The following RRM1 variants were observed in gnomAD, a reference collection of about 807,000 sequenced individuals.
RRM1 encodes ribonucleotide reductase catalytic subunit M1.
Under a neutral mutation model 101.5 loss-of-function variants are expected in RRM1, and 19 were observed. That is an observed-to-expected ratio of 0.19 (90% CI 0.13 to 0.27). RRM1 has a LOEUF of 0.27. Among genes scored for constraint, RRM1 ranks in the 10% least tolerant of loss-of-function variants. The pLI is 1.00. For missense variants in RRM1, 500 were observed against 962.9 expected (o/e 0.52, Z 6.36); for synonymous variants, 298 against 323.4 (o/e 0.92, Z 0.84).
chr11:4,101,846 A>G, intron 1 of RRM1, 147 bp from the exon 2 acceptor site: 5 of 600,136 alleles, frequency 8.3e-6, no homozygotes, highest in Non-Finnish European at 1.5e-5. Context: ...CTCTTCATGA[A>G]TCTTTTGAGG....
intron 7 of RRM1, among the ~76,000 whole-genome samples, chr11:4,117,726 A>C (rs2094575665): frequency 6.6e-6 from 1 of 152,244 alleles, no homozygotes; most frequent in African/African-American, 2.4e-5. Context: ...GAATATTTAT[A>C]TAAACACCTA....
At chr11:4,133,074 A>AG (rs2094603124) in intron 16 of RRM1, among the ~76,000 whole-genome samples, 1 of 152,164 alleles carries the variant, frequency 6.6e-6, no homozygotes, top group African/African-American at 2.4e-5. Context: ...AGCTTTATTA[A>AG]GGTATAATTG....
chr11:4,116,078 A>G (rs2094572812), intron 7 of RRM1: 3 of 152,210 alleles, frequency 2.0e-5, no homozygotes. Context: ...GGGGAGGGCC[A>G]GGGAAGTCTC....
intron 2 of RRM1, among the ~76,000 whole-genome samples, chr11:4,104,968 A>G (rs879110782): frequency 6.6e-6 from 1 of 152,168 alleles, no homozygotes; most frequent in Admixed American, 6.5e-5. Flanking sequence ...ATCTGAATGA[A>G]AAATGGGGAA....
chr11:4,138,428 C>T lies in RRM1; in HGVS notation c.*45C>T, dbSNP rs768453219. The T allele has an allele frequency of 5.3e-6, 8 of 1,495,700 alleles. No individual in the cohort carries two copies. The highest frequency in any genetic ancestry group is 7.2e-6 in the Non-Finnish European group (8 of 1,111,376). 92.7% of individuals were successfully genotyped at this position (1,495,700 alleles called of 1,614,324 possible). ...CAGCATGTCTTCAGTAGCCAAACTACTTCTTGAGCATAGATAGGTATAGTG... is the reference window on the plus strand; with the variant it reads ...CAGCATGTCTTCAGTAGCCAAACTATTTCTTGAGCATAGATAGGTATAGTG... On this transcript the variant is annotated 3_prime_UTR_variant, in exon 19 of 19. Transcript: ENST00000300738.
At chr11:4,126,593 T>A in intron 12 of RRM1, 91 bp from the exon 13 acceptor site, 1 of 1,167,790 alleles carries the variant, frequency 8.6e-7, no homozygotes, top group Non-Finnish European at 1.2e-6. Context: ...AATTTTAATG[T>A]CTGAGTATTA....
At chr11:4,136,766 T>C (rs2094611088) in intron 18 of RRM1, among the ~76,000 whole-genome samples, 1 of 150,258 alleles carries the variant, frequency 6.7e-6, no homozygotes, top group Admixed American at 6.6e-5. Context: ...TTTTTCTTTT[T>C]ATTTATTTAT....
intron 18 of RRM1, among the ~76,000 whole-genome samples, chr11:4,136,161 G>T (rs1031906617): frequency 2.6e-5 from 4 of 152,038 alleles, no homozygotes; most frequent in African/African-American, 9.7e-5. Flanking sequence ...TCCTAGAGGA[G>T]ATAGAATTCC....
Position 4,138,497 on chromosome 11 carries a change from C to T in RRM1, c.*114C>T, listed in dbSNP as rs1590738943. Reference sequence around the variant, plus strand: ...AGGCTTTGCTGGACCCTGTTGCAGGCAAAAGGAGTAATTGATTTAAAGTAC... The same window carrying T: ...AGGCTTTGCTGGACCCTGTTGCAGGTAAAAGGAGTAATTGATTTAAAGTAC... On this transcript the variant is annotated 3_prime_UTR_variant, in exon 19 of 19. Transcript: ENST00000300738. The T allele has an allele frequency of 1.7e-6, 1 of 586,954 alleles. No individual in the cohort carries two copies. The highest frequency in any genetic ancestry group is 1.9e-5 in the African/African-American group (1 of 51,602). 36.4% of individuals were successfully genotyped at this position (586,954 alleles called of 1,614,324 possible).
intron 18 of RRM1, chr11:4,137,274 G>C (rs975983610): frequency 5.1e-5 from 12 of 235,142 alleles, no homozygotes; most frequent in Non-Finnish European, 1.0e-4. Context: ...CGTTCTCAAT[G>C]AGCTGTTGGG....
chr11:4,121,930 C>T (rs2094582481), intron 10 of RRM1, among the ~76,000 whole-genome samples, 165 bp downstream of exon 10: 1 of 152,222 alleles, frequency 6.6e-6, no homozygotes, highest in Non-Finnish European at 1.5e-5. Context: ...TATTTCTATT[C>T]TCTAAAGTAG....
In RRM1 at chr11:4,138,347, G is replaced by A. The variant is rs147460045; in HGVS notation, c.2343G>A (p.Leu781=). Residue 781 remains leucine, a synonymous_variant, in exon 19 of 19, where the codon TTG becomes TTA. Coordinates refer to ENST00000300738, the MANE Select transcript of RRM1 (RefSeq NM_001033.5). ...ERNTAAMVCS[L]ENRDECLMCG... is the part of the protein sequence containing the mutation. ...ACACAGCAGCCATGGTGTGCTCTTTGGAGAATAGAGATGAATGTCTGATGT... is the reference window on the plus strand; with the variant it reads ...ACACAGCAGCCATGGTGTGCTCTTTAGAGAATAGAGATGAATGTCTGATGT... 8 of 1,610,614 alleles carry A rather than the reference G, an allele frequency of 5.0e-6. No homozygotes were observed. The highest frequency in any genetic ancestry group is 1.3e-5 in the African/African-American group (1 of 74,768).
chr11:4,095,126 C>CTTCCCGCCT, intron 1 of RRM1, 95 bp downstream of exon 1: 3 of 1,379,284 alleles, frequency 2.2e-6, no homozygotes, highest in South Asian at 1.3e-5. Flanking sequence ...GCCTTCGCTG[C>CTTCCCGCCT]TTCCCGCCTT....
In RRM1 at chr11:4,109,685, C is replaced by T. The variant is rs1330863045; in HGVS notation, c.429C>T (p.Tyr143=). The T allele has an allele frequency of 2.5e-6, 4 of 1,607,204 alleles. No individual in the cohort carries two copies. The highest frequency in any genetic ancestry group is 3.4e-6 in the Non-Finnish European group (4 of 1,176,470). ...SAIIYDRDFS[Y]NYFGFKTLER... The stretch of plus-strand genomic sequence containing the variant: ...TTATCTATGACCGAGATTTCTCTTA[C>T]AATTACTTCGGCTTTAAGGTAAATA... The change falls in exon 5 of 19, where the codon TAC becomes TAT. Residue 143 remains tyrosine (Y), a synonymous_variant. Transcript: ENST00000300738.
intron 2 of RRM1, among the ~76,000 whole-genome samples, chr11:4,104,009 T>G (rs2094555296): frequency 6.6e-6 from 1 of 150,398 alleles, no homozygotes; most frequent in African/African-American, 2.4e-5. Context: ...TCCCAGCTAC[T>G]TGGTGGTGGG....
intron 7 of RRM1, among the ~76,000 whole-genome samples, chr11:4,113,190 AT>A (rs1236392261): frequency 6.6e-6 from 1 of 152,200 alleles, no homozygotes; most frequent in African/African-American, 2.4e-5. Context: ...CAAAAAATAC[AT>A]TAATGTAATT....
intron 18 of RRM1, among the ~76,000 whole-genome samples, chr11:4,137,576 A>T (rs2094614217): frequency 4.5e-5 from 1 of 22,090 alleles, no homozygotes; most frequent in Non-Finnish European, 1.5e-4. Flanking sequence ...GCGGCCGGGC[A>T]GAGGGGCCCC....
intron 16 of RRM1, among the ~76,000 whole-genome samples, chr11:4,133,334 C>T (rs912205641): frequency 1.3e-5 from 2 of 152,122 alleles, no homozygotes; most frequent in Non-Finnish European, 2.9e-5. Flanking sequence ...GCTGCGCCAC[C>T]ATGCCTGGCT....
rs1453802388 is a variant in RRM1, at chr11:4,132,078, A to G, written c.1770-208A>G. Among the ~76,000 whole-genome samples, 1 of 152,236 alleles carries G rather than the reference A, an allele frequency of 6.6e-6. No individual in the cohort carries two copies. On this transcript the variant is annotated intron_variant, in intron 15 of 18. Transcript: ENST00000300738. The surrounding 1 kb of genome is among the most constrained non-coding windows in gnomAD (Gnocchi z 4.1). ...TCAGTTTAGGAGTCAGGCATTTAAG[A>G]GGAGAGTGGGCTATAATAGCACCCA...
Sources: gnomAD v4.1 joint callset for allele counts (sites outside exome capture counted in the v4.1 genomes callset) on GRCh38, gnomAD v4.1.1 for gene constraint, Gnocchi (gnomAD v3.1) non-coding constraint, MANE v1.5 for transcripts, NCBI Gene and HGNC (gene_info 2026-07-23, HGNC 2026-07-21) for gene names.